The following TNKS variants were observed in gnomAD, a reference collection of about 807,000 sequenced individuals.
TNKS encodes the protein tankyrase, also known as poly [ADP-ribose] polymerase tankyrase-1.
Under a neutral mutation model 135.8 loss-of-function variants are expected in TNKS, and 72 were observed. That is an observed-to-expected ratio of 0.53 (90% CI 0.44 to 0.64). TNKS has a LOEUF of 0.64. Ranked by LOEUF, TNKS falls within the 30% of genes least tolerant of loss-of-function variation. The pLI, the probability that TNKS is intolerant of heterozygous loss-of-function variation, is 0.00. For missense variants in TNKS, 1,769 were observed against 1,674.0 expected (o/e 1.06, Z -0.99); for synonymous variants, 849 against 649.3 (o/e 1.31, Z -4.68).
chr8:9,727,978 T>A (rs1051317372), intron 13 of TNKS, among the ~76,000 whole-genome samples: 4 of 152,326 alleles, frequency 2.6e-5, no homozygotes, highest in African/African-American at 9.6e-5. Context: ...AGAAAATTCT[T>A]AAATATAAGA....
intron 1 of TNKS, among the ~76,000 whole-genome samples, chr8:9,567,042 G>C (rs927302226): frequency 1.3e-5 from 2 of 152,228 alleles, no homozygotes; most frequent in Non-Finnish European, 2.9e-5. Context: ...ATAGCAATGA[G>C]AAATAAAATC....
chr8:9,585,221 C>T (rs1798324921), intron 2 of TNKS, among the ~76,000 whole-genome samples: 1 of 151,702 alleles, frequency 6.6e-6, no homozygotes, highest in Non-Finnish European at 1.5e-5. Flanking sequence ...TGTTAGTAGC[C>T]TGGAAGCTTA....
chr8:9,716,218 G>A (rs1211147744), intron 11 of TNKS, among the ~76,000 whole-genome samples: 2 of 152,246 alleles, frequency 1.3e-5, no homozygotes, highest in Middle Eastern at 3.4e-3. Flanking sequence ...AAGCGATCAC[G>A]AGTCTTTGCT....
intron 2 of TNKS, among the ~76,000 whole-genome samples, chr8:9,592,400 T>G (rs760678003): frequency 6.6e-6 from 1 of 152,212 alleles, no homozygotes; most frequent in Non-Finnish European, 1.5e-5. Context: ...ATTCCCGGTA[T>G]TAGGAGACAG....
At chr8:9,624,718 CTGTAATG>C (rs1799991492) in intron 3 of TNKS, among the ~76,000 whole-genome samples, 1 of 152,092 alleles carries the variant, frequency 6.6e-6, no homozygotes, top group Admixed American at 6.6e-5. Flanking sequence ...CTGGAAGAGA[CTGTAATG>C]TGTTAGTAAT....
chr8:9,713,801 A>T (rs921337374), intron 11 of TNKS, among the ~76,000 whole-genome samples: 1 of 152,184 alleles, frequency 6.6e-6, no homozygotes, highest in Non-Finnish European at 1.5e-5. Context: ...GTGTTGTAAA[A>T]AACTCCCTGT....
intron 2 of TNKS, among the ~76,000 whole-genome samples, chr8:9,580,622 T>C (rs1031319361): frequency 4.6e-5 from 7 of 152,222 alleles, no homozygotes; most frequent in Admixed American, 2.0e-4. Context: ...TCAATTTTAA[T>C]GGATTACTAT....
chr8:9,712,620 A>G (rs1417717729), intron 11 of TNKS, among the ~76,000 whole-genome samples: 1 of 152,086 alleles, frequency 6.6e-6, no homozygotes, highest in African/African-American at 2.4e-5. Flanking sequence ...GACAGGTACC[A>G]TAGCCTATGC....
At chr8:9,629,137 C>T (rs1355338115) in intron 3 of TNKS, among the ~76,000 whole-genome samples, 1 of 152,222 alleles carries the variant, frequency 6.6e-6, no homozygotes, top group African/African-American at 2.4e-5. Flanking sequence ...CTGTTTGTTT[C>T]TGGCCTGCAA....
At chr8:9,590,591 CTG>C (rs1226819638) in intron 2 of TNKS, among the ~76,000 whole-genome samples, 1 of 152,200 alleles carries the variant, frequency 6.6e-6, no homozygotes, top group African/African-American at 2.4e-5. Flanking sequence ...TAATAAAGCT[CTG>C]TGCTTGCTCC....
chr8:9,577,852 C>G (rs1415026584), intron 1 of TNKS, among the ~76,000 whole-genome samples: 1 of 152,144 alleles, frequency 6.6e-6, no homozygotes, highest in Non-Finnish European at 1.5e-5. Flanking sequence ...GTCCAGAGTT[C>G]AAAGCAAAGC....
intron 1 of TNKS, among the ~76,000 whole-genome samples, chr8:9,571,570 G>T (rs1300016488): frequency 1.3e-5 from 2 of 152,096 alleles, no homozygotes; most frequent in Admixed American, 1.3e-4. Context: ...CCATTCTCCT[G>T]CCTCAGCCTC....
intron 9 of TNKS, among the ~76,000 whole-genome samples, chr8:9,709,041 T>C (rs1013591051): frequency 2.0e-5 from 3 of 152,190 alleles, no homozygotes; most frequent in Non-Finnish European, 2.9e-5. Context: ...TTCTTTGTCA[T>C]TGACACATTA....
chr8:9,776,126 T>C (rs905752505), intron 26 of TNKS, among the ~76,000 whole-genome samples: 6 of 152,248 alleles, frequency 3.9e-5, no homozygotes, highest in African/African-American at 1.4e-4. Context: ...CTGTAAATGA[T>C]GCCTTTGAGT....
Position 9,761,561 on chromosome 8 carries a change from G to C in TNKS, c.3199G>C (p.Glu1067Gln). 6.2e-7 allele frequency: 1 copy of C among 1,610,640 alleles called. No individual in the cohort carries two copies. Among genetic ancestry groups the C allele is most frequent in the Non-Finnish European group, 8.5e-7 (1 of 1,179,070 alleles). Residue 1067 changes from glutamate (E) to glutamine (Q), a missense_variant, in exon 21 of 27, where the codon GAA (glutamate) becomes CAA (glutamine). Physicochemically the swap from Glu to Gln is conservative, Grantham distance 29. This residue lies in a region of TNKS where 722 missense variants were observed against 688.9 expected (regional missense o/e 1.05). Transcript: ENST00000310430. ...TGATATGGGTCATGAAGAGTTGAAA[G>C]AAATAGGCATCAATGCATATGGGCA... Reference protein sequence around the residue: ...LADMGHEELKEIGINAYGHRH... With the variant: ...LADMGHEELKQIGINAYGHRH...
intron 12 of TNKS, among the ~76,000 whole-genome samples, chr8:9,721,291 A>G (rs1453170456): frequency 5.1e-5 from 1 of 19,696 alleles, no homozygotes; most frequent in Non-Finnish European, 1.5e-4. Flanking sequence ...AAAAATAAAT[A>G]AATAAATTAT....
At chr8:9,633,127 G>A (rs1800362523) in intron 3 of TNKS, among the ~76,000 whole-genome samples, 1 of 152,218 alleles carries the variant, frequency 6.6e-6, no homozygotes, top group Non-Finnish European at 1.5e-5. Context: ...AATGCATGGT[G>A]AAAGTGTTTT....
intron 2 of TNKS, among the ~76,000 whole-genome samples, chr8:9,592,129 A>G (rs1585205930): frequency 6.6e-6 from 1 of 152,230 alleles, no homozygotes; most frequent in South Asian, 2.1e-4. Flanking sequence ...CTGAGATGAC[A>G]TTGTTTGCCT....
intron 20 of TNKS, among the ~76,000 whole-genome samples, chr8:9,759,872 G>T (rs1329817914): frequency 6.6e-6 from 1 of 152,130 alleles, no homozygotes; most frequent in African/African-American, 2.4e-5. Context: ...CGACTTGAGA[G>T]GCTGAGGCAA....
Sources: gnomAD v4.1 joint callset for allele counts (sites outside exome capture counted in the v4.1 genomes callset) on GRCh38, gnomAD v4.1.1 for gene constraint, gnomAD v4.1.1 regional missense constraint, MANE v1.5 for transcripts, NCBI Gene and HGNC (gene_info 2026-07-23, HGNC 2026-07-21) for gene names.